Variants in DLGAP1 observed in about 807,000 individuals in gnomAD.
The protein encoded by DLGAP1 is DLG associated protein 1.
Under a neutral mutation model 90.8 loss-of-function variants are expected in DLGAP1, and 11 were observed. The observed-to-expected ratio is 0.12, with a 90% confidence interval of 0.08 to 0.20. DLGAP1 has a LOEUF of 0.20. Ranked by LOEUF, DLGAP1 falls within the 10% of genes least tolerant of loss-of-function variation. DLGAP1 has a pLI of 1.00. For missense variants in DLGAP1, 1,050 were observed against 1,333.8 expected (o/e 0.79, Z 3.31); for synonymous variants, 558 against 540.7 (o/e 1.03, Z -0.44).
rs2055562419 is a variant in DLGAP1, at chr18:3,582,190, G to A, written c.1650C>T (p.Thr550=). ...KTPPPVPPRT[T]TKPFISITAQ... is the part of the protein sequence containing the mutation. ...CTGTGATAGAAATGAAAGGTTTCGT[G>A]GTAGTTCTGGGTGGGACTGGAGGTG... Residue 550 remains threonine (T), a synonymous_variant, in exon 8 of 13, where the codon ACC becomes ACT. Transcript: ENST00000315677. 6.2e-7 allele frequency: 1 copy of A among 1,614,106 alleles called. No homozygotes were observed. The highest frequency in any genetic ancestry group is 2.2e-5 in the East Asian group (1 of 44,866).
chr18:3,746,221 T>C (rs1458069671), intron 5 of DLGAP1, among the ~76,000 whole-genome samples: 1 of 152,120 alleles, frequency 6.6e-6, no homozygotes, highest in Admixed American at 6.6e-5. Flanking sequence ...AGCATATAGA[T>C]GAAAAATAAT....
At chr18:4,265,698 T>TTCCTTCCC (rs1568480430) in intron 1 of DLGAP1, among the ~76,000 whole-genome samples, 16 of 118,096 alleles carry the variant, frequency 1.4e-4, no homozygotes, top group African/African-American at 6.1e-4. Flanking sequence ...CCTTCCTTCC[T>TTCCTTCCC]TCCCTCCTCT....
intron 2 of DLGAP1, among the ~76,000 whole-genome samples, chr18:4,015,452 T>C (rs1343238549): frequency 6.6e-6 from 1 of 152,158 alleles, no homozygotes; most frequent in Non-Finnish European, 1.5e-5. Flanking sequence ...ACTCTGGAAA[T>C]TAAGGTAGTC....
At chr18:3,627,957 A>C (rs1354957150) in intron 7 of DLGAP1, among the ~76,000 whole-genome samples, 2 of 142,236 alleles carry the variant, frequency 1.4e-5, no homozygotes, top group Non-Finnish European at 3.0e-5. Flanking sequence ...GGCTCACTGC[A>C]ACCTCCCACC....
At chr18:3,656,818 C>T (rs1215291655) in intron 7 of DLGAP1, among the ~76,000 whole-genome samples, 4 of 151,966 alleles carry the variant, frequency 2.6e-5, no homozygotes, top group African/African-American at 7.3e-5. Flanking sequence ...TGGATCTCGG[C>T]TCACTGCAAC....
intron 1 of DLGAP1, among the ~76,000 whole-genome samples, chr18:4,355,500 G>A (rs1489896881): frequency 6.6e-6 from 1 of 152,136 alleles, no homozygotes; most frequent in African/African-American, 2.4e-5. Flanking sequence ...ACATAGTTAC[G>A]GAAGGTTCTG....
intron 2 of DLGAP1, among the ~76,000 whole-genome samples, chr18:4,096,925 A>T (rs2075690613): frequency 6.6e-6 from 1 of 152,256 alleles, no homozygotes; most frequent in South Asian, 2.1e-4. Flanking sequence ...GAATTAAGTT[A>T]ATGAAAGTAC....
At chr18:3,763,420 A>C (rs559255939) in intron 5 of DLGAP1, among the ~76,000 whole-genome samples, 34 of 151,866 alleles carry the variant, frequency 2.2e-4, no homozygotes, top group African/African-American at 7.0e-4. Flanking sequence ...TTATTGTGGG[A>C]CTCTACCTTG....
rs1305674107 is a variant in DLGAP1 at position 3,660,145 on chromosome 18, CTTAT to C, written c.1591+68986_1591+68989del. Among the ~76,000 whole-genome samples, 15 of 152,030 alleles carry C rather than the reference CTTAT, an allele frequency of 9.9e-5. No individual in the cohort carries two copies. The highest frequency in any genetic ancestry group is 3.9e-4 in the East Asian group (2 of 5,194). ...CCAGAAATAACTCTATCCCATTGCT[CTTAT>C]TTATTTATTTGTTTACTTAATTTTT... On this transcript the variant is annotated intron_variant, in intron 7 of 12. Transcript: ENST00000315677. This position sits in a 1 kb window ranked among gnomAD's most constrained non-coding sequence, Gnocchi z 4.2.
chr18:3,878,905 T>A (rs998679007), intron 4 of DLGAP1, among the ~76,000 whole-genome samples: 3 of 152,214 alleles, frequency 2.0e-5, no homozygotes, highest in Non-Finnish European at 2.9e-5. Context: ...ATATCTAGTG[T>A]CTTAAGATAA....
At chr18:4,149,815 G>GA (rs1277857275) in intron 2 of DLGAP1, among the ~76,000 whole-genome samples, 5 of 152,124 alleles carry the variant, frequency 3.3e-5, no homozygotes, top group African/African-American at 1.2e-4. Context: ...CCTGTCCGTG[G>GA]AAAAATTGTC....
intron 1 of DLGAP1, among the ~76,000 whole-genome samples, chr18:4,203,535 CAT>C (rs769579883): frequency 1.8e-4 from 27 of 152,270 alleles, no homozygotes; most frequent in Non-Finnish European, 2.2e-4. Context: ...TACTTTGACA[CAT>C]GTTTTAGCTT....
In DLGAP1 at chr18:4,342,605, G is replaced by C. The variant is rs1364381154; in HGVS notation, c.-267+112401C>G. 6.6e-6 allele frequency among the ~76,000 whole-genome samples: 1 copy of C among 151,630 alleles called. No individual in the cohort carries two copies. Among genetic ancestry groups the C allele is most frequent in the Admixed American group, 6.6e-5 (1 of 15,232 alleles). ...TCTTTCCAAGAATCTGGCTTAGGCT[G>C]AGATTACACAAAGAGGGAAATTAGC... On this transcript the variant is annotated intron_variant, in intron 1 of 12. Transcript: ENST00000315677. The surrounding 1 kb of genome is among the most constrained non-coding windows in gnomAD (Gnocchi z 5.8).
chr18:4,165,396 A>G (rs1277948387), intron 1 of DLGAP1, among the ~76,000 whole-genome samples: 1 of 152,232 alleles, frequency 6.6e-6, no homozygotes. Context: ...TCAGGAAAGA[A>G]GAGAAAATAA....
intron 2 of DLGAP1, among the ~76,000 whole-genome samples, chr18:4,135,427 C>CAGT (rs1162984129): frequency 6.6e-6 from 1 of 152,154 alleles, no homozygotes; most frequent in Admixed American, 6.5e-5. Flanking sequence ...TAATTTAAGG[C>CAGT]AGTAATTCAG....
rs187981616 is a variant in DLGAP1 at position 4,406,106 on chromosome 18, C to A, written c.-267+48900G>T. On this transcript the variant is annotated intron_variant, in intron 1 of 12. Coordinates refer to ENST00000315677, the MANE Select transcript of DLGAP1 (RefSeq NM_004746.4). The stretch of plus-strand genomic sequence containing the variant: ...ATCAGAGACTTACGTTACAAAGTTA[C>A]ACCTTATGCAAACGTCTGATTGGTT... 2.0e-5 allele frequency among the ~76,000 whole-genome samples: 3 copies of A among 152,232 alleles called. No individual in the cohort carries two copies. The East Asian group carries it at 5.8e-4, about 30-fold the overall frequency.
chr18:4,216,444 TG>T (rs1483830119), intron 1 of DLGAP1, among the ~76,000 whole-genome samples: 5 of 152,172 alleles, frequency 3.3e-5, no homozygotes, highest in African/African-American at 1.2e-4. Flanking sequence ...TTTTCATTCA[TG>T]TTCATAGTCA....
In DLGAP1 at chr18:3,600,851, T is replaced by TATAGATATATAG. The variant is rs1555695573; in HGVS notation, c.1592-18604_1592-18603insCTATATATCTAT. On this transcript the variant is annotated intron_variant, in intron 7 of 12. Coordinates refer to ENST00000315677, the MANE Select transcript of DLGAP1 (RefSeq NM_004746.4). ...AGATATATATAGATATATATAGATA[T>TATAGATATATAG]ATAGATATATATAGATATATAGATA... 8.6e-5 allele frequency among the ~76,000 whole-genome samples: 6 copies of TATAGATATATAG among 69,570 alleles called. 1 individual carries two copies. Among genetic ancestry groups the TATAGATATATAG allele is most frequent in the African/African-American group, 4.0e-4 (6 of 14,946 alleles). 45.6% of individuals were successfully genotyped at this position (69,570 alleles called of 152,430 possible).
intron 7 of DLGAP1, among the ~76,000 whole-genome samples, chr18:3,601,753 G>A (rs1042291933): frequency 1.3e-5 from 2 of 150,972 alleles, no homozygotes; most frequent in African/African-American, 4.9e-5. Context: ...GCTGAGGCAG[G>A]AGAATCGCTT....
Sources: allele counts gnomAD v4.1 joint callset (sites outside exome capture counted in the v4.1 genomes callset), GRCh38; gene constraint gnomAD v4.1.1; non-coding constraint Gnocchi (gnomAD v3.1); transcripts MANE v1.5; gene names NCBI Gene and HGNC (gene_info 2026-07-23, HGNC 2026-07-21).